GPR176: variants seen among roughly 807,000 people sequenced by gnomAD.
GPR176 encodes G-protein coupled receptor 176.
A neutral mutation model predicts 35.4 loss-of-function variants in GPR176; 26 were observed. The ratio of observed to expected loss-of-function variants is 0.74; its 90% CI spans 0.54 to 1.02. The LOEUF (loss-of-function observed/expected upper bound fraction) is 1.02. Among genes scored for constraint, GPR176 ranks in the 50% least tolerant of loss-of-function variants. GPR176 has a pLI of 0.00. For missense variants in GPR176, 597 were observed against 665.3 expected (o/e 0.90, Z 1.13); for synonymous variants, 278 against 271.3 (o/e 1.02, Z -0.24).
At chr15:39,858,082 GC>G (rs2031356953) in intron 1 of GPR176, among the ~76,000 whole-genome samples, 1 of 152,066 alleles carries the variant, frequency 6.6e-6, no homozygotes, top group Admixed American at 6.6e-5. Context: ...GGGTTTTCAT[GC>G]TTATGTGGAG....
intron 1 of GPR176, among the ~76,000 whole-genome samples, chr15:39,887,358 G>T (rs1443754576): frequency 6.6e-6 from 1 of 152,150 alleles, no homozygotes; most frequent in Non-Finnish European, 1.5e-5. Context: ...GACTGAGGTG[G>T]CTCAGGCATA....
chr15:39,904,819 T>TCCAAGACAGTCACCTGCA (rs2140873483), intron 1 of GPR176, among the ~76,000 whole-genome samples: 1 of 152,218 alleles, frequency 6.6e-6, no homozygotes, highest in African/African-American at 2.4e-5. Flanking sequence ...TCAGGGCTTG[T>TCCAAGACAGTCACCTGCA]CCAAGACAGT....
intron 1 of GPR176, among the ~76,000 whole-genome samples, chr15:39,859,435 T>C (rs908296951): frequency 4.6e-5 from 7 of 151,500 alleles, no homozygotes; most frequent in Admixed American, 3.9e-4. Flanking sequence ...CATCAGAGAA[T>C]TGCAAATTAA....
intron 1 of GPR176, among the ~76,000 whole-genome samples, chr15:39,891,646 T>C (rs2032876174): frequency 1.3e-5 from 2 of 152,304 alleles, no homozygotes; most frequent in Admixed American, 1.3e-4. Context: ...ATGTTCATGC[T>C]ATCTTAGAGC....
intron 1 of GPR176, among the ~76,000 whole-genome samples, chr15:39,848,120 G>A (rs2030578739): frequency 6.6e-6 from 1 of 152,070 alleles, no homozygotes; most frequent in Non-Finnish European, 1.5e-5. Context: ...CCTCCCACCA[G>A]GCCCCTCTTC....
At chr15:39,810,652 G>A (rs1899488212) in intron 1 of GPR176, among the ~76,000 whole-genome samples, 4 of 152,182 alleles carry the variant, frequency 2.6e-5, no homozygotes, top group Admixed American at 2.0e-4. Context: ...GGCCATGCTT[G>A]TACAGAAAGA....
chr15:39,917,037 T>C (rs1225143541), intron 1 of GPR176, among the ~76,000 whole-genome samples: 1 of 152,140 alleles, frequency 6.6e-6, no homozygotes, highest in Non-Finnish European at 1.5e-5. Flanking sequence ...ATCTCAGCAC[T>C]TCGGGAGGCT....
At chr15:39,823,195 T>C (rs1212280430) in intron 1 of GPR176, among the ~76,000 whole-genome samples, 1 of 152,214 alleles carries the variant, frequency 6.6e-6, no homozygotes, top group Non-Finnish European at 1.5e-5. Context: ...TCATGTGTAT[T>C]GTTCCACTTT....
intron 1 of GPR176, among the ~76,000 whole-genome samples, chr15:39,840,722 C>T (rs1451835043): frequency 6.6e-6 from 1 of 152,002 alleles, no homozygotes. Context: ...CAGATCTAAC[C>T]ATTTCAGATT....
chr15:39,877,270 A>C (rs1310914845), intron 1 of GPR176, among the ~76,000 whole-genome samples: 1 of 152,148 alleles, frequency 6.6e-6, no homozygotes, highest in Non-Finnish European at 1.5e-5. Context: ...TGGAGGACAA[A>C]GCTAAGAGGA....
chr15:39,879,562 T>C (rs2032392235), intron 1 of GPR176, among the ~76,000 whole-genome samples: 1 of 152,062 alleles, frequency 6.6e-6, no homozygotes, highest in South Asian at 2.1e-4. Context: ...TTGACCTTAC[T>C]CCCCTTTCCT....
intron 1 of GPR176, among the ~76,000 whole-genome samples, chr15:39,916,173 G>A (rs1482200705): frequency 6.6e-6 from 1 of 152,142 alleles, no homozygotes; most frequent in East Asian, 1.9e-4. Context: ...TTAACTCTGA[G>A]GAGTTCAATC....
chr15:39,818,108 G>A (rs1900037633), intron 1 of GPR176, among the ~76,000 whole-genome samples: 1 of 152,190 alleles, frequency 6.6e-6, no homozygotes, highest in Non-Finnish European at 1.5e-5. Context: ...ATAGGGCTAT[G>A]CCTGGCAGTG....
At chr15:39,879,636 G>A (rs567506015) in intron 1 of GPR176, among the ~76,000 whole-genome samples, 3 of 152,008 alleles carry the variant, frequency 2.0e-5, no homozygotes, top group Admixed American at 1.3e-4. Context: ...TGACAACATC[G>A]TGCCTACCTC....
intron 1 of GPR176, among the ~76,000 whole-genome samples, chr15:39,862,879 C>A (rs1316539174): frequency 1.3e-5 from 2 of 151,876 alleles, no homozygotes; most frequent in East Asian, 3.9e-4. Flanking sequence ...TAACCACAGG[C>A]AGGTTCTATA....
intron 1 of GPR176, among the ~76,000 whole-genome samples, chr15:39,819,499 C>G (rs1162093431): frequency 2.0e-5 from 3 of 152,178 alleles, no homozygotes; most frequent in African/African-American, 7.2e-5. Flanking sequence ...TATAACTTAA[C>G]AGCATCATCA....
intron 1 of GPR176, among the ~76,000 whole-genome samples, chr15:39,850,707 T>C (rs2030803090): frequency 6.6e-6 from 1 of 152,106 alleles, no homozygotes; most frequent in Admixed American, 6.6e-5. Context: ...ATGCAAAATG[T>C]TACCATCGGG....
chr15:39,816,157 C>T (rs1038347222), intron 1 of GPR176, among the ~76,000 whole-genome samples: 2 of 152,170 alleles, frequency 1.3e-5, no homozygotes, highest in Non-Finnish European at 2.9e-5. Flanking sequence ...TGGAGAGATA[C>T]TGGTCAAAGG....
chr15:39,840,568 A>T (rs1208089592), intron 1 of GPR176, among the ~76,000 whole-genome samples: 1 of 152,190 alleles, frequency 6.6e-6, no homozygotes, highest in Non-Finnish European at 1.5e-5. Context: ...CCAATATGGC[A>T]CATGTATACA....
Sources: gnomAD v4.1 joint callset for allele counts (sites outside exome capture counted in the v4.1 genomes callset) on GRCh38, gnomAD v4.1.1 for gene constraint, MANE v1.5 for transcripts, NCBI Gene and HGNC (gene_info 2026-07-23, HGNC 2026-07-21) for gene names.